The following STK32B variants were observed in gnomAD, a reference collection of about 807,000 sequenced individuals.
STK32B encodes the protein serine/threonine kinase 32B, also known as serine/threonine-protein kinase 32B.
Under a neutral mutation model 52.6 loss-of-function variants are expected in STK32B, and 43 were observed. The ratio of observed to expected loss-of-function variants is 0.82; its 90% CI spans 0.64 to 1.05. The LOEUF (loss-of-function observed/expected upper bound fraction) is 1.05, where lower values mean the gene tolerates loss of function less well. Among genes scored for constraint, STK32B ranks in the 50% least tolerant of loss-of-function variants. The pLI, the probability that STK32B is intolerant of heterozygous loss-of-function variation, is 0.00. For missense variants in STK32B, 621 were observed against 534.6 expected, an observed-to-expected ratio of 1.16 and a Z score of -1.59; for synonymous variants, 238 against 204.3, an observed-to-expected ratio of 1.17 and a Z score of -1.41.
intron 3 of STK32B, among the ~76,000 whole-genome samples, chr4:5,229,922 A>C (rs1187263883): frequency 6.6e-6 from 1 of 152,116 alleles, no homozygotes; most frequent in Non-Finnish European, 1.5e-5. Flanking sequence ...GACACAGTAG[A>C]AGTTCTGAGA....
At chr4:5,078,236 G>A (rs62291651) in intron 1 of STK32B, among the ~76,000 whole-genome samples, 13,369 of 152,132 alleles carry the variant, frequency 0.088, 625 homozygotes, top group East Asian at 0.13. Context: ...TCCACACCCT[G>A]GACCAATCAC....
chr4:5,235,620 C>G (rs1448594632), intron 3 of STK32B, among the ~76,000 whole-genome samples: 2 of 152,230 alleles, frequency 1.3e-5, no homozygotes, highest in Non-Finnish European at 2.9e-5. Context: ...TGGGATCCTA[C>G]TTTAATAAAT....
chr4:5,274,274 C>T (rs1282227880), intron 3 of STK32B, among the ~76,000 whole-genome samples: 1 of 152,082 alleles, frequency 6.6e-6, no homozygotes, highest in East Asian at 1.9e-4. Flanking sequence ...AGTATTGGTG[C>T]CGAGACACAC....
chr4:5,203,779 C>T (rs1722340405), intron 3 of STK32B, among the ~76,000 whole-genome samples: 1 of 152,150 alleles, frequency 6.6e-6, no homozygotes, highest in Non-Finnish European at 1.5e-5. Context: ...TGCTCACCTC[C>T]CCCAGCTTCG....
chr4:5,410,286 C>A (rs2109062032), intron 5 of STK32B, among the ~76,000 whole-genome samples: 1 of 152,044 alleles, frequency 6.6e-6, no homozygotes, highest in South Asian at 2.1e-4. Context: ...AGCAGCACCA[C>A]TTTAACCTCT....
intron 2 of STK32B, among the ~76,000 whole-genome samples, chr4:5,163,538 CTG>C (rs3077842): frequency 0.12 from 17,351 of 139,152 alleles, 986 homozygotes; most frequent in Admixed American, 0.23. Flanking sequence ...AGAGTGAAGG[CTG>C]TGTGTGTGTG....
chr4:5,310,544 T>C (rs966474767), intron 3 of STK32B, among the ~76,000 whole-genome samples: 5 of 152,066 alleles, frequency 3.3e-5, no homozygotes, highest in African/African-American at 4.8e-5. Context: ...TAACAAATGC[T>C]GGCAAGGATG....
At chr4:5,352,314 C>T (rs904437450) in intron 4 of STK32B, among the ~76,000 whole-genome samples, 3 of 152,012 alleles carry the variant, frequency 2.0e-5, no homozygotes, top group Non-Finnish European at 2.9e-5. Flanking sequence ...AAATTTAGTA[C>T]ATCACATCAA....
chr4:5,187,247 C>T (rs1372338845), intron 3 of STK32B, among the ~76,000 whole-genome samples: 2 of 152,186 alleles, frequency 1.3e-5, no homozygotes, highest in African/African-American at 4.8e-5. Context: ...CTTCTTGTGC[C>T]CGTTTTCCTG....
intron 3 of STK32B, among the ~76,000 whole-genome samples, chr4:5,200,868 G>T (rs953357457): frequency 1.3e-5 from 2 of 152,124 alleles, no homozygotes; most frequent in Non-Finnish European, 2.9e-5. Flanking sequence ...TAAGGTTCAG[G>T]CATCAGTACT....
At chr4:5,210,549 A>G (rs908588787) in intron 3 of STK32B, among the ~76,000 whole-genome samples, 1 of 152,156 alleles carries the variant, frequency 6.6e-6, no homozygotes, top group Non-Finnish European at 1.5e-5. Context: ...TATGGTGTGC[A>G]TTATGAACTC....
chr4:5,412,894 C>T (rs116363385), intron 5 of STK32B, among the ~76,000 whole-genome samples: 18 of 152,172 alleles, frequency 1.2e-4, no homozygotes, highest in Admixed American at 6.5e-4. Flanking sequence ...AACCCTCTCA[C>T]TTGGAGTAAA....
At chr4:5,243,832 A>G (rs534608413) in intron 3 of STK32B, among the ~76,000 whole-genome samples, 5 of 152,252 alleles carry the variant, frequency 3.3e-5, no homozygotes, top group African/African-American at 1.2e-4. Flanking sequence ...ATCTATTGAG[A>G]TAATCATGTG....
intron 1 of STK32B, among the ~76,000 whole-genome samples, chr4:5,053,656 A>C (rs74748511): frequency 1.9e-4 from 29 of 152,220 alleles, no homozygotes; most frequent in Non-Finnish European, 4.0e-4. Flanking sequence ...ATTGGGCCTA[A>C]GGTTAACTGC....
At chr4:5,402,823 C>T (rs1282731876) in intron 5 of STK32B, among the ~76,000 whole-genome samples, 1 of 152,114 alleles carries the variant, frequency 6.6e-6, no homozygotes, top group African/African-American at 2.4e-5. Context: ...GGCTGTGGGG[C>T]AGCAGAAGGT....
At chr4:5,076,629 A>G (rs555581638) in intron 1 of STK32B, among the ~76,000 whole-genome samples, 12 of 152,330 alleles carry the variant, frequency 7.9e-5, no homozygotes, top group African/African-American at 2.4e-4. Flanking sequence ...CTATACCAAT[A>G]TAATCTGCAT....
At chr4:5,484,749 G>C (rs1365998214) in intron 11 of STK32B, among the ~76,000 whole-genome samples, 1 of 152,136 alleles carries the variant, frequency 6.6e-6, no homozygotes, top group South Asian at 2.1e-4. Context: ...TCCATGTTTA[G>C]TGCTTGCTTC....
intron 4 of STK32B, among the ~76,000 whole-genome samples, chr4:5,354,783 A>T (rs1045819307): frequency 2.6e-5 from 4 of 152,250 alleles, no homozygotes; most frequent in African/African-American, 9.6e-5. Flanking sequence ...TTCTATGCAC[A>T]TTAAAAAATT....
At chr4:5,245,861 G>A (rs965807947) in intron 3 of STK32B, among the ~76,000 whole-genome samples, 1 of 152,108 alleles carries the variant, frequency 6.6e-6, no homozygotes, top group African/African-American at 2.4e-5. Context: ...TGAAATTCTG[G>A]GTTGAAAATT....
Sources: allele counts gnomAD v4.1 joint callset (sites outside exome capture counted in the v4.1 genomes callset), GRCh38; gene constraint gnomAD v4.1.1; transcripts MANE v1.5; gene names NCBI Gene and HGNC (gene_info 2026-07-23, HGNC 2026-07-21).